The following SLCO1A2 variants were observed in gnomAD, a reference collection of about 807,000 sequenced individuals.
The protein encoded by SLCO1A2 is OATP-1.
A neutral mutation model predicts 69.0 loss-of-function variants in SLCO1A2; 67 were observed. The ratio of observed to expected loss-of-function variants is 0.97; its 90% CI spans 0.80 to 1.19. The LOEUF is 1.19. Among genes scored for constraint, SLCO1A2 ranks in the 50% most tolerant of loss-of-function variants. The pLI is 0.00. For missense variants in SLCO1A2, 787 were observed against 793.7 expected (o/e 0.99, Z 0.10); for synonymous variants, 260 against 265.9 (o/e 0.98, Z 0.22).
chr12:21,348,460 G>A (rs1175626684), intron 2 of SLCO1A2, among the ~76,000 whole-genome samples: 2 of 152,152 alleles, frequency 1.3e-5, no homozygotes, highest in East Asian at 1.9e-4. Flanking sequence ...CTACTGTTTC[G>A]ATTTTTAGAT....
intron 5 of SLCO1A2, among the ~76,000 whole-genome samples, chr12:21,305,979 G>A (rs1428066642): frequency 1.3e-5 from 2 of 152,170 alleles, no homozygotes; most frequent in Non-Finnish European, 2.9e-5. Context: ...GGGACAGAAG[G>A]GGCAGAAGCC....
At chr12:21,367,668 C>A (rs1939492424) in intron 2 of SLCO1A2, among the ~76,000 whole-genome samples, 1 of 151,774 alleles carries the variant, frequency 6.6e-6, no homozygotes, top group Non-Finnish European at 1.5e-5. Flanking sequence ...TTACTCAGTT[C>A]AATAGTAATC....
intron 12 of SLCO1A2, among the ~76,000 whole-genome samples, chr12:21,277,232 G>A (rs1230667700): frequency 6.8e-6 from 1 of 147,626 alleles, no homozygotes; most frequent in Non-Finnish European, 1.5e-5. Context: ...GCACTGGTAA[G>A]GGTCATGAGG....
At chr12:21,385,837 A>T (rs1378853571) in intron 1 of SLCO1A2, among the ~76,000 whole-genome samples, 3 of 152,210 alleles carry the variant, frequency 2.0e-5, no homozygotes, top group Non-Finnish European at 4.4e-5. Context: ...AAGCTTCATC[A>T]GCCTTCTGAA....
In SLCO1A2 at chr12:21,274,523, G is replaced by C; in HGVS notation, c.1739C>G (p.Thr580Ser). 1.9e-6 allele frequency: 3 copies of C among 1,613,772 alleles called. No individual in the cohort carries two copies. In the South Asian group the frequency reaches 3.3e-5, roughly 18 times the overall value. The change falls in exon 14 of 15, where the codon ACT becomes AGT. Residue 580 changes from threonine to serine, a missense_variant. Transcript: ENST00000683939. ...TGCCCCTGACTCACCACATTTCAAA[G>C]TTCCCCAGTGTAAACATGTGGAATC... ...LMDSTCLHWG[T>S]LKCGESGACR...
chr12:21,288,587 C>T (rs1334764740), intron 12 of SLCO1A2, among the ~76,000 whole-genome samples: 1 of 152,074 alleles, frequency 6.6e-6, no homozygotes, highest in East Asian at 1.9e-4. Flanking sequence ...ATGAATTAAA[C>T]CTACTATTTG....
intron 1 of SLCO1A2, among the ~76,000 whole-genome samples, chr12:21,375,601 G>A (rs187409429): frequency 9.5e-4 from 145 of 152,194 alleles, no homozygotes; most frequent in Non-Finnish European, 1.6e-3. Context: ...GGTAATCAAA[G>A]GATAGTTAAA....
intron 2 of SLCO1A2, among the ~76,000 whole-genome samples, chr12:21,352,022 A>C (rs568737513): frequency 2.0e-5 from 3 of 152,278 alleles, no homozygotes; most frequent in African/African-American, 7.2e-5. Context: ...GCATAAACGA[A>C]ATCTCGGAAT....
chr12:21,394,402 G>A (rs1272846975), intron 1 of SLCO1A2, among the ~76,000 whole-genome samples: 1 of 138,744 alleles, frequency 7.2e-6, no homozygotes, highest in Non-Finnish European at 1.6e-5. Flanking sequence ...TTAGCCAGAA[G>A]TGGTAGTGCA....
intron 8 of SLCO1A2, among the ~76,000 whole-genome samples, chr12:21,299,256 G>A (rs1565481724): frequency 2.0e-5 from 3 of 152,090 alleles, no homozygotes; most frequent in Admixed American, 6.6e-5. Flanking sequence ...CCAATGTGCA[G>A]CCAAGTTTGA....
chr12:21,332,423 A>C (rs1453932951), intron 2 of SLCO1A2, among the ~76,000 whole-genome samples: 3 of 152,116 alleles, frequency 2.0e-5, no homozygotes, highest in Non-Finnish European at 4.4e-5. Flanking sequence ...GGCTTCATAG[A>C]GAATGGATAT....
intron 2 of SLCO1A2, among the ~76,000 whole-genome samples, chr12:21,343,652 T>A (rs1344417172): frequency 6.6e-6 from 1 of 152,078 alleles, no homozygotes; most frequent in African/African-American, 2.4e-5. Flanking sequence ...AGTACCTCAT[T>A]TTGCTACTTT....
At position 21,266,514 on chromosome 12, in the gene SLCO1A2, AAAT is replaced by A. The variant is rs1942079527; in HGVS notation, c.*3031_*3033del. Reference sequence around the variant, plus strand: ...GGAGTAGTATTTTTTCAATGTAGATAAATAATATTTATTTCATAATAATAAATG... The same window carrying A: ...GGAGTAGTATTTTTTCAATGTAGATAAATATTTATTTCATAATAATAAATG... On this transcript the variant is annotated 3_prime_UTR_variant, in exon 15 of 15. Transcript: ENST00000683939. 6.6e-6 allele frequency: 1 copy of A among 152,124 alleles called. No homozygotes were observed. Among genetic ancestry groups the A allele is most frequent in the African/African-American group, 2.4e-5 (1 of 41,440 alleles). 9.4% of individuals were successfully genotyped at this position (152,124 alleles called of 1,614,324 possible).
Position 21,269,592 on chromosome 12 carries a change from T to A in SLCO1A2, c.1969A>T (p.Lys657Ter), listed in dbSNP as rs777152983. 1 of 1,612,330 alleles carries A rather than the reference T, an allele frequency of 6.2e-7. No homozygotes were observed. Among genetic ancestry groups the A allele is most frequent in the South Asian group, 1.1e-5 (1 of 90,992 alleles). Residue 657 changes from lysine (K) to a stop codon, truncating the protein, a stop_gained, in exon 15 of 15, where the codon AAG becomes TAG. Coordinates refer to ENST00000683939, the MANE Select transcript of SLCO1A2 (RefSeq NM_001386879.1). LOFTEE classifies it high-confidence loss of function. ...KENECKDIYQ[K>*]STVLKDDELK... Reference sequence around the variant, plus strand: ...TCATCATCTTTCAAAACCGTGGACTTTTGGTATATATCTTTGCACTCATTT... The same window carrying A: ...TCATCATCTTTCAAAACCGTGGACTATTGGTATATATCTTTGCACTCATTT...
intron 1 of SLCO1A2, among the ~76,000 whole-genome samples, chr12:21,390,686 T>C (rs917408286): frequency 6.6e-6 from 1 of 152,218 alleles, no homozygotes; most frequent in Admixed American, 6.5e-5. Context: ...GCTTTGGTGA[T>C]TGCCAAGGGG....
intron 2 of SLCO1A2, among the ~76,000 whole-genome samples, chr12:21,320,429 T>G (rs1951459381): frequency 6.6e-6 from 1 of 152,156 alleles, no homozygotes; most frequent in Non-Finnish European, 1.5e-5. Flanking sequence ...GAATCCATTC[T>G]TCCCATTTTC....
intron 1 of SLCO1A2, among the ~76,000 whole-genome samples, chr12:21,386,402 C>T (rs1303964397): frequency 6.6e-6 from 1 of 152,102 alleles, no homozygotes; most frequent in African/African-American, 2.4e-5. Flanking sequence ...CTTGAATTGT[C>T]ACTCCCATAA....
intron 2 of SLCO1A2, among the ~76,000 whole-genome samples, chr12:21,352,413 T>C (rs1938033315): frequency 6.6e-6 from 1 of 152,234 alleles, no homozygotes; most frequent in African/African-American, 2.4e-5. Context: ...ATTACCATAG[T>C]TCCTCCCTTC....
At chr12:21,377,321 A>C (rs1238750560) in intron 1 of SLCO1A2, among the ~76,000 whole-genome samples, 1 of 152,198 alleles carries the variant, frequency 6.6e-6, no homozygotes, top group Non-Finnish European at 1.5e-5. Context: ...GATAGATTTG[A>C]TTCTTTTGGA....
Sources: gnomAD v4.1 joint callset for allele counts (sites outside exome capture counted in the v4.1 genomes callset) on GRCh38, gnomAD v4.1.1 for gene constraint, MANE v1.5 for transcripts, NCBI Gene and HGNC (gene_info 2026-07-23, HGNC 2026-07-21) for gene names.